The following RBAK variants were observed in gnomAD, a reference collection of about 807,000 sequenced individuals.
The protein encoded by RBAK is RB-associated KRAB zinc finger protein.
In RBAK, 39 loss-of-function variants were observed where a neutral mutation model predicts 65.8. That is an observed-to-expected ratio of 0.59 (90% CI 0.46 to 0.77). RBAK has a LOEUF of 0.77. Ranked by LOEUF, RBAK falls within the 30% of genes least tolerant of loss-of-function variation. RBAK has a pLI of 0.00. For missense variants in RBAK, 884 were observed against 855.1 expected, an observed-to-expected ratio of 1.03 and a Z score of -0.42; for synonymous variants, 343 against 289.7, an observed-to-expected ratio of 1.18 and a Z score of -1.87.
At chr7:5,052,741 TTTGA>T (rs35675888) in intron 2 of RBAK, among the ~76,000 whole-genome samples, 6,784 of 151,018 alleles carry the variant, frequency 0.045, 481 homozygotes, top group African/African-American at 0.15. Flanking sequence ...AACAGTTATC[TTTGA>T]TTGATTGATT....
At position 5,065,913 on chromosome 7, in the gene RBAK, A is replaced by T. The variant is rs1473305481; in HGVS notation, c.*312A>T. ...GAATCATACAAAGGCAAAATCTGTC[A>T]ATATGGTGAATGTGGAAAATATATT... On this transcript the variant is annotated 3_prime_UTR_variant, in exon 5 of 5. Transcript: ENST00000396912. This position sits in a 1 kb window ranked among gnomAD's most constrained non-coding sequence, Gnocchi z 5.3. 5.4e-6 allele frequency: 1 copy of T among 185,166 alleles called. No homozygotes were observed. The highest frequency in any genetic ancestry group is 1.1e-5 in the Non-Finnish European group (1 of 90,476). 11.5% of individuals were successfully genotyped at this position (185,166 alleles called of 1,614,324 possible).
Position 5,046,146 on chromosome 7 carries a change from C to G in RBAK, c.-295C>G. On this transcript the variant is annotated 5_prime_UTR_variant, in exon 1 of 5. Coordinates refer to ENST00000396912, the MANE Select transcript of RBAK (RefSeq NM_021163.4). ...GGCGAAGGGGCGGCGGGACGCGGGC[C>G]TGGCCCGTGTGTGTCCTGGCGGCCT... 2.5e-6 allele frequency: 1 copy of G among 399,996 alleles called. No homozygotes were observed. Among genetic ancestry groups the G allele is most frequent in the Non-Finnish European group, 4.9e-6 (1 of 202,642 alleles). The allele number at this position is 399,996 out of a possible 1,614,324, so 24.8% of individuals were successfully genotyped here. A position where few individuals can be genotyped will look rare whatever the true frequency, so the allele number is the denominator to read the frequency against.
chr7:5,069,458 C>T lies in RBAK; in HGVS notation c.*3857C>T, dbSNP rs1205910935. Reference sequence around the variant, plus strand: ...CTGAGCTGCCTCTTCAATAAAGAAGCTAATGTGTAACATTTCATATTTCCC... The same window carrying T: ...CTGAGCTGCCTCTTCAATAAAGAAGTTAATGTGTAACATTTCATATTTCCC... On this transcript the variant is annotated 3_prime_UTR_variant, in exon 5 of 5. Coordinates refer to ENST00000396912, the MANE Select transcript of RBAK (RefSeq NM_021163.4). 1.3e-5 allele frequency: 2 copies of T among 152,184 alleles called. No homozygotes were observed. Among genetic ancestry groups the T allele is most frequent in the African/African-American group, 4.8e-5 (2 of 41,446 alleles). 9.4% of individuals were successfully genotyped at this position (152,184 alleles called of 1,614,324 possible).
chr7:5,064,308 A>G lies in RBAK; in HGVS notation c.852A>G (p.Thr284=), dbSNP rs199561288. The G allele has an allele frequency of 1.2e-5, 20 of 1,614,196 alleles. No homozygotes were observed. The highest frequency in any genetic ancestry group is 1.7e-5 in the Non-Finnish European group (20 of 1,180,024). ...TCATCATCCACCAGAGGGCTCACAC[A>G]GGAGAGAAACCTTATGAATGTAATG... The part of the protein sequence containing the change: ...SKFIIHQRAH[T]GEKPYECNVC... Residue 284 remains threonine (T), a synonymous_variant, in exon 5 of 5, where the codon ACA becomes ACG. Coordinates refer to ENST00000396912, the MANE Select transcript of RBAK (RefSeq NM_021163.4). The surrounding 1 kb of genome is among the most constrained non-coding windows in gnomAD (Gnocchi z 6.3).
At chr7:5,047,182 T>C (rs1788007043) in intron 1 of RBAK, among the ~76,000 whole-genome samples, 1 of 152,156 alleles carries the variant, frequency 6.6e-6, no homozygotes, top group Non-Finnish European at 1.5e-5. Context: ...AGAGTATCCC[T>C]TGAGACCAGG....
intron 4 of RBAK, among the ~76,000 whole-genome samples, chr7:5,062,722 C>T (rs1394555940): frequency 4.6e-5 from 7 of 152,126 alleles, no homozygotes; most frequent in East Asian, 1.9e-4. Context: ...CGACCATAGA[C>T]GACGGCCACA....
At chr7:5,052,386 T>C (rs1788135215) in intron 2 of RBAK, among the ~76,000 whole-genome samples, 1 of 152,194 alleles carries the variant, frequency 6.6e-6, no homozygotes. Context: ...TTATAGTCCA[T>C]TGCCTTTGCT....
In RBAK at chr7:5,057,486, A is replaced by G. The variant is rs1051624214; in HGVS notation, c.142+65A>G. 32 of 1,613,488 alleles carry G rather than the reference A, an allele frequency of 2.0e-5. No homozygotes were observed. In the African/African-American group the frequency reaches 3.2e-4, roughly 16 times the overall value. ...GGGTTTTATCCTTGAGTTTGAAGAA[A>G]TAAGTGATGACACCATTTAATTCCT... On this transcript the variant is annotated intron_variant, in intron 3 of 4. Coordinates refer to ENST00000396912, the MANE Select transcript of RBAK (RefSeq NM_021163.4).
rs1302137583 is a variant in RBAK, at chr7:5,057,402, T to C, written c.123T>C (p.Tyr41=). The part of the protein sequence containing the change: ...ITYRDVMLEN[Y]SHLVSVGYDT... ...ACAGGGATGTGATGTTGGAGAACTA[T>C]AGCCATCTAGTTTCTGTGGGTGAGA... is the stretch of plus-strand genomic sequence containing the variant. Residue 41 remains tyrosine (Y), a synonymous_variant, in exon 3 of 5, where the codon TAT becomes TAC. Transcript: ENST00000396912. The C allele has an allele frequency of 1.2e-6, 2 of 1,614,176 alleles. No homozygotes were observed. The highest frequency in any genetic ancestry group is 1.1e-5 in the South Asian group (1 of 91,086).
At chr7:5,052,977 C>T (rs183425971) in intron 2 of RBAK, among the ~76,000 whole-genome samples, 2 of 152,288 alleles carry the variant, frequency 1.3e-5, no homozygotes, top group African/African-American at 4.8e-5. Context: ...CCAGGCTGGT[C>T]TCAAACTCCT....
rs1207069346 is a variant in RBAK at position 5,048,275 on chromosome 7, C to T, written c.15+184C>T. ...GCAACCTCCACCTCCTGGGTTCAAG[C>T]GATTCTCCTGCCTCAGCCTCCCGAG... On this transcript the variant is annotated intron_variant, in intron 2 of 4. Coordinates refer to ENST00000396912, the MANE Select transcript of RBAK (RefSeq NM_021163.4). This position sits in a 1 kb window ranked among gnomAD's most constrained non-coding sequence, Gnocchi z 4.4. Among the ~76,000 whole-genome samples, 8 of 151,782 alleles carry T rather than the reference C, an allele frequency of 5.3e-5. No individual in the cohort carries two copies. The highest frequency in any genetic ancestry group is 2.1e-4 in the South Asian group (1 of 4,822).
chr7:5,062,702 C>T (rs1459761753), intron 4 of RBAK, among the ~76,000 whole-genome samples: 1 of 152,174 alleles, frequency 6.6e-6, no homozygotes, highest in African/African-American at 2.4e-5. Flanking sequence ...TTATTTCATC[C>T]TTACAGTCTC....
intron 2 of RBAK, among the ~76,000 whole-genome samples, chr7:5,050,406 C>G (rs114138371): frequency 0.016 from 2,364 of 152,266 alleles, 69 homozygotes; most frequent in African/African-American, 0.054. Context: ...TTTCACACAG[C>G]TGTACCGTAC....
chr7:5,046,412 T>C lies in RBAK; in HGVS notation c.-45+16T>C, dbSNP rs1481716141. 1.9e-6 allele frequency: 1 copy of C among 513,960 alleles called. No individual in the cohort carries two copies. Among genetic ancestry groups the C allele is most frequent in the East Asian group, 5.5e-5 (1 of 18,232 alleles). 31.8% of individuals were successfully genotyped at this position (513,960 alleles called of 1,614,324 possible). The stretch of plus-strand genomic sequence containing the variant: ...CCCCAGAAGGGTAGGTCTTGGGTTT[T>C]CGGGCCCGGAGCGAGAAGGGCCTGA... On this transcript the variant is annotated intron_variant, in intron 1 of 4. Coordinates refer to ENST00000396912, the MANE Select transcript of RBAK (RefSeq NM_021163.4).
chr7:5,067,900 G>T lies in RBAK; in HGVS notation c.*2299G>T, dbSNP rs532448257. On this transcript the variant is annotated 3_prime_UTR_variant, in exon 5 of 5. Coordinates refer to ENST00000396912, the MANE Select transcript of RBAK (RefSeq NM_021163.4). ...TAATTTGATAAAAAGTTATTTGGAGGTGGATTGCAGATCTGAATATGAAAT... is the reference window on the plus strand; with the variant it reads ...TAATTTGATAAAAAGTTATTTGGAGTTGGATTGCAGATCTGAATATGAAAT... The T allele has an allele frequency of 8.5e-5, 13 of 152,312 alleles. No individual in the cohort carries two copies. The South Asian group carries it at 2.7e-3, about 32-fold the overall frequency. 9.4% of individuals were successfully genotyped at this position (152,312 alleles called of 1,614,324 possible).
rs1779289747 is a variant in RBAK, at chr7:5,069,051, T to G, written c.*3450T>G. 2.0e-5 allele frequency: 3 copies of G among 152,216 alleles called. No individual in the cohort carries two copies. Among genetic ancestry groups the G allele is most frequent in the Admixed American group, 2.0e-4 (3 of 15,278 alleles). The allele number at this position is 152,216 out of a possible 1,614,324, so 9.4% of individuals were successfully genotyped here. A position where few individuals can be genotyped will look rare whatever the true frequency, so the allele number is the denominator to read the frequency against. On this transcript the variant is annotated 3_prime_UTR_variant, in exon 5 of 5. Transcript: ENST00000396912. Reference sequence around the variant, plus strand: ...GGGGGCATTTATCTGGTGCTGGGAATAATCTGTTTCTAAACCTAGGTGCTA... The same window carrying G: ...GGGGGCATTTATCTGGTGCTGGGAAGAATCTGTTTCTAAACCTAGGTGCTA...
At chr7:5,046,517 T>G (rs552106060) in intron 1 of RBAK, 121 bp downstream of exon 1, 14 of 369,816 alleles carry the variant, frequency 3.8e-5, no homozygotes, top group South Asian at 2.4e-4. Context: ...GACGTGTGTT[T>G]GGGTTTGAGG....
At chr7:5,054,158 G>A (rs536705236) in intron 2 of RBAK, among the ~76,000 whole-genome samples, 192 of 152,238 alleles carry the variant, frequency 1.3e-3, no homozygotes, top group African/African-American at 4.5e-3. Context: ...TGTAATCACA[G>A]CACTTTGGGA....
At chr7:5,057,493 A>G (rs1461199342) in intron 3 of RBAK, 72 bp downstream of exon 3, 1 of 1,613,228 alleles carries the variant, frequency 6.2e-7, no homozygotes, top group South Asian at 1.1e-5. Context: ...GAAATAAGTG[A>G]TGACACCATT....
Sources: gnomAD v4.1 joint callset for allele counts (sites outside exome capture counted in the v4.1 genomes callset) on GRCh38, gnomAD v4.1.1 for gene constraint, Gnocchi (gnomAD v3.1) non-coding constraint, MANE v1.5 for transcripts, NCBI Gene and HGNC (gene_info 2026-07-23, HGNC 2026-07-21) for gene names.